Variants in PABPC4 observed in about 807,000 individuals in gnomAD.
PABPC4 encodes poly(A) binding protein cytoplasmic 4, also known as polyadenylate-binding protein 4.
PABPC4 carries 15 observed loss-of-function variants against 74.5 expected under a neutral mutation model. The observed-to-expected ratio is 0.20, with a 90% CI of 0.13 to 0.31. The LOEUF is 0.31. Among genes scored for constraint, PABPC4 ranks in the 10% least tolerant of loss-of-function variants. The pLI is 1.00. For synonymous variants in PABPC4, 345 were observed against 303.0 expected, an observed-to-expected ratio of 1.14 and a Z score of -1.44; for missense variants, 610 against 853.5, an observed-to-expected ratio of 0.71 and a Z score of 3.55.
In PABPC4 at chr1:39,569,573, C is replaced by T. The variant is rs377432011; in HGVS notation, c.738+22G>A. The stretch of plus-strand genomic sequence containing the variant: ...TGGGGCAACCTCTTAAAAGCTTTTC[C>T]CAATCTTTGTGGTATACTCACCTTA... On this transcript the variant is annotated intron_variant, in intron 5 of 15. Coordinates refer to ENST00000372858, the MANE Select transcript of PABPC4 (RefSeq NM_001135653.2). 1.2e-5 allele frequency: 19 copies of T among 1,592,878 alleles called. 1 individual carries two copies. Among genetic ancestry groups the T allele is most frequent in the African/African-American group, 1.1e-4 (8 of 74,488 alleles).
At chr1:39,572,664 C>G in intron 1 of PABPC4, 78 bp from the exon 2 acceptor site, 1 of 1,109,820 alleles carries the variant, frequency 9.0e-7, no homozygotes, top group African/African-American at 1.6e-5. Context: ...ACAGATTACT[C>G]CAGGACTTTT....
intron 5 of PABPC4, 124 bp from the exon 6 acceptor site, chr1:39,569,063 A>T: frequency 1.0e-6 from 1 of 986,180 alleles, no homozygotes; most frequent in Non-Finnish European, 1.5e-6. Context: ...CCACCTCTGA[A>T]GTCTGTCACA....
At chr1:39,574,890 C>A (rs1434841597) in intron 1 of PABPC4, among the ~76,000 whole-genome samples, 1 of 152,268 alleles carries the variant, frequency 6.6e-6, no homozygotes, top group African/African-American at 2.4e-5. Context: ...CCATGCTCCA[C>A]GCTAAGGCCA....
chr1:39,564,734 C>T lies in PABPC4; in HGVS notation c.1285G>A (p.Ala429Thr). The change falls in exon 9 of 16, where the codon GCA (alanine) becomes ACA (threonine). Residue 429 changes from alanine to threonine, a missense_variant. By Grantham distance (58) the Ala-to-Thr change is moderately conservative. This residue lies in a region of PABPC4 where 277 missense variants were observed against 301.8 expected (regional missense o/e 0.92). Transcript: ENST00000372858. ...CAGCGTGGATTAGGCCTCATCTGTG[C>T]TAACTGGTTAGGTGTATAATATGGA... ...RPPYYTPNQL[A>T]QMRPNPRWQQ... 6.2e-7 allele frequency: 1 copy of T among 1,614,160 alleles called. No individual in the cohort carries two copies. The highest frequency in any genetic ancestry group is 8.5e-7 in the Non-Finnish European group (1 of 1,180,026).
Position 39,564,546 on chromosome 1 carries a change from G to A in PABPC4, c.1334-4C>T, listed in dbSNP as rs775341344. 9 of 1,614,002 alleles carry A rather than the reference G, an allele frequency of 5.6e-6. No individual in the cohort carries two copies. In the Admixed American group the frequency reaches 1.3e-4, roughly 24 times the overall value. ...GCACTTGGCATTCCTTGGAAGCCTG[G>A]TGAAGAGAAAAATTGCACATCATTG... On this transcript the variant is annotated splice_region_variant and splice_polypyrimidine_tract_variant and intron_variant, in intron 9 of 15. Transcript: ENST00000372858.
intron 1 of PABPC4, 42 bp downstream of exon 1, chr1:39,575,717 C>T: frequency 6.8e-7 from 1 of 1,471,346 alleles, no homozygotes; most frequent in Non-Finnish European, 9.1e-7. Context: ...CTCCCGGGGT[C>T]CTCCGGGCTC....
At chr1:39,561,947 T>C in intron 14 of PABPC4, 126 bp downstream of exon 14, 1 of 1,221,208 alleles carries the variant, frequency 8.2e-7, no homozygotes, top group Admixed American at 2.1e-5. Flanking sequence ...CCAGTCACAG[T>C]CAAGGCATGA....
Position 39,569,942 on chromosome 1 carries a change from C to T in PABPC4, c.564G>A (p.Lys188=). The change falls in exon 4 of 16, where the codon AAG becomes AAA. Residue 188 remains lysine (K), a synonymous_variant. Coordinates refer to ENST00000372858, the MANE Select transcript of PABPC4 (RefSeq NM_001135653.2). ...EREAELGAKA[K]EFTNVYIKNF... ...TTTTGATATAAACATTGGTGAATTC[C>T]TTGGCTTTGGCTCCAAGCTCAGCTT... 6.2e-7 allele frequency: 1 copy of T among 1,614,080 alleles called. No homozygotes were observed. The highest frequency in any genetic ancestry group is 8.5e-7 in the Non-Finnish European group (1 of 1,180,016).
Position 39,561,796 on chromosome 1 carries a change from A to T in PABPC4, c.1894-9T>A, listed in dbSNP as rs199512516. ...GCTACAGCTTCATCCACCTGCGAGA[A>T]ATCTTCAGGTGGTCAGTGAATCTAG... On this transcript the variant is annotated splice_polypyrimidine_tract_variant and intron_variant, in intron 14 of 15. Coordinates refer to ENST00000372858, the MANE Select transcript of PABPC4 (RefSeq NM_001135653.2). The T allele has an allele frequency of 6.2e-7, 1 of 1,611,002 alleles. No homozygotes were observed. The highest frequency in any genetic ancestry group is 8.5e-7 in the Non-Finnish European group (1 of 1,177,290).
chr1:39,564,102 A>G (rs1198589266), intron 10 of PABPC4, 180 bp from the exon 11 acceptor site: 3 of 629,716 alleles, frequency 4.8e-6, no homozygotes, highest in Non-Finnish European at 8.4e-6. Context: ...AATACAAGAC[A>G]TATTCTGTAT....
chr1:39,566,770 A>G (rs12117267), intron 7 of PABPC4, among the ~76,000 whole-genome samples: 9,429 of 152,256 alleles, frequency 0.062, 415 homozygotes, highest in Non-Finnish European at 0.091. Context: ...CTTGACTACT[A>G]GGCAGATAAG....
intron 10 of PABPC4, 42 bp from the exon 11 acceptor site, chr1:39,563,964 T>G (rs773240888): frequency 7.7e-5 from 121 of 1,580,164 alleles, no homozygotes; most frequent in Non-Finnish European, 9.8e-5. Flanking sequence ...TGGCGGCAGA[T>G]GTCCAACTGG....
At chr1:39,571,414 G>A (rs1645937707) in intron 2 of PABPC4, 65 bp from the exon 3 acceptor site, 8 of 1,598,068 alleles carry the variant, frequency 5.0e-6, no homozygotes, top group East Asian at 2.2e-5. Context: ...AGAACCTCAG[G>A]GTATCTTGTG....
chr1:39,564,417 G>T lies in PABPC4; in HGVS notation c.1453+6C>A, dbSNP rs1645804872. The T allele has an allele frequency of 6.2e-7, 1 of 1,613,076 alleles. No homozygotes were observed. The highest frequency in any genetic ancestry group is 1.7e-5 in the Admixed American group (1 of 59,986). On this transcript the variant is annotated splice_donor_region_variant and intron_variant, in intron 10 of 15. Coordinates refer to ENST00000372858, the MANE Select transcript of PABPC4 (RefSeq NM_001135653.2). ...AGGCCACACTTCTAAAGGCCAGTTT[G>T]CTCACCGACTCTCTGAGTGGTAGTA...
intron 10 of PABPC4, 31 bp downstream of exon 10, chr1:39,564,392 A>T (rs1219146043): frequency 6.2e-7 from 1 of 1,609,788 alleles, no homozygotes; most frequent in South Asian, 1.1e-5. Flanking sequence ...CCTCCTCCCC[A>T]GGCCACACTT....
At position 39,575,800 on chromosome 1, in the gene PABPC4, G is replaced by C. The variant is rs1482682083; in HGVS notation, c.152C>G (p.Ser51Cys). 6.2e-7 allele frequency: 1 copy of C among 1,604,904 alleles called. No homozygotes were observed. Among genetic ancestry groups the C allele is most frequent in the South Asian group, 1.1e-5 (1 of 90,240 alleles). The change falls in exon 1 of 16, where the codon TCC (serine) becomes TGC (cysteine). Residue 51 changes from serine (S) to cysteine (C), a missense_variant. This residue lies in a region of PABPC4 where 304 missense variants were observed against 478.9 expected (regional missense o/e 0.63). Coordinates refer to ENST00000372858, the MANE Select transcript of PABPC4 (RefSeq NM_001135653.2). Reference protein sequence around the residue: ...RVCRDMITRRSLGYAYVNFQQ... With the variant: ...RVCRDMITRRCLGYAYVNFQQ... ...GAAGTTGACGTAGGCATAGCCCAGG[G>C]AGCGGCGGGTGATCATATCGCGGCA...
rs189716705 is a variant in PABPC4 at position 39,562,216 on chromosome 1, T to G, written c.1763-13A>C. ...AACAAGCGTTCTCCTATGGGGAGGATAGTTAATAAAAAAACAAATCAAATC... is the reference window on the plus strand; with the variant it reads ...AACAAGCGTTCTCCTATGGGGAGGAGAGTTAATAAAAAAACAAATCAAATC... On this transcript the variant is annotated splice_polypyrimidine_tract_variant and intron_variant, in intron 13 of 15. Transcript: ENST00000372858. 1.2e-6 allele frequency: 2 copies of G among 1,613,906 alleles called. No individual in the cohort carries two copies. The highest frequency in any genetic ancestry group is 1.7e-6 in the Non-Finnish European group (2 of 1,179,942).
At chr1:39,572,299 G>A in intron 2 of PABPC4, 94 bp downstream of exon 2, 1 of 977,928 alleles carries the variant, frequency 1.0e-6, no homozygotes, top group South Asian at 1.6e-5. Flanking sequence ...CCCATATCTT[G>A]TTCCCCAATT....
At chr1:39,563,560 C>T in intron 12 of PABPC4, 54 bp downstream of exon 12, 1 of 1,584,546 alleles carries the variant, frequency 6.3e-7, no homozygotes, top group Non-Finnish European at 8.6e-7. Context: ...GCTTCTTTTA[C>T]ATCAAGTGGA....
Sources: allele counts gnomAD v4.1 joint callset (sites outside exome capture counted in the v4.1 genomes callset), GRCh38; gene constraint gnomAD v4.1.1; regional missense constraint gnomAD v4.1.1; transcripts MANE v1.5; gene names NCBI Gene and HGNC (gene_info 2026-07-23, HGNC 2026-07-21).